Variants in GLIS3 observed in about 807,000 individuals in gnomAD.
GLIS3 encodes GLIS family zinc finger 3, also known as zinc finger protein GLIS3.
A neutral mutation model predicts 78.6 loss-of-function variants in GLIS3; 53 were observed. The ratio of observed to expected loss-of-function variants is 0.67; its 90% CI spans 0.54 to 0.85. The LOEUF (loss-of-function observed/expected upper bound fraction) is 0.85, where lower values mean the gene tolerates loss of function less well. Among genes scored for constraint, GLIS3 ranks in the 40% least tolerant of loss-of-function variants. GLIS3 has a pLI of 0.00. For synonymous variants in GLIS3, 684 were observed against 509.9 expected (o/e 1.34, Z -4.60); for missense variants, 1,703 against 1,231.1 (o/e 1.38, Z -5.74).
chr9:3,966,904 T>G (rs1410114924), intron 4 of GLIS3, among the ~76,000 whole-genome samples: 1 of 149,630 alleles, frequency 6.7e-6, no homozygotes, highest in Non-Finnish European at 1.5e-5. Flanking sequence ...TCTGCAACTC[T>G]CACCACAATC....
chr9:4,396,678 G>T, the GLIS3 span, among the ~76,000 whole-genome samples: 1 of 152,150 alleles, frequency 6.6e-6, no homozygotes, highest in Non-Finnish European at 1.5e-5. Context: ...TTGATGAGAG[G>T]TAAGTAGCCC....
chr9:4,407,868 G>C, the GLIS3 span, among the ~76,000 whole-genome samples: 3 of 151,924 alleles, frequency 2.0e-5, no homozygotes, highest in Admixed American at 1.3e-4. Flanking sequence ...CTACCCATTT[G>C]ACAAAGTGTT....
At chr9:4,279,246 C>T (rs1587281692) in intron 2 of GLIS3, among the ~76,000 whole-genome samples, 5 of 143,906 alleles carry the variant, frequency 3.5e-5, no homozygotes, top group Admixed American at 2.9e-4. Flanking sequence ...TGCAGTGAGC[C>T]GAGATCGCGC....
At chr9:4,160,581 A>C (rs1835395353) in intron 2 of GLIS3, among the ~76,000 whole-genome samples, 1 of 152,216 alleles carries the variant, frequency 6.6e-6, no homozygotes, top group African/African-American at 2.4e-5. Flanking sequence ...TCTGGAACCA[A>C]ATGAGTCCAC....
chr9:3,966,531 C>G (rs942766594), intron 4 of GLIS3, among the ~76,000 whole-genome samples: 12 of 151,852 alleles, frequency 7.9e-5, no homozygotes. Context: ...CGCGGTGACT[C>G]ACACCTGTAA....
chr9:3,948,051 G>C (rs537545464), intron 4 of GLIS3, among the ~76,000 whole-genome samples: 2 of 152,332 alleles, frequency 1.3e-5, no homozygotes, highest in East Asian at 3.9e-4. Context: ...ATCTCAGAGT[G>C]ATGCCTTCAC....
At chr9:4,450,561 T>C in the GLIS3 span, among the ~76,000 whole-genome samples, 3 of 151,760 alleles carry the variant, frequency 2.0e-5, no homozygotes, top group African/African-American at 4.8e-5. Context: ...TTCACCAAGG[T>C]TAAAATGAAG....
At chr9:4,285,742 C>T (rs190805580) in intron 2 of GLIS3, 5 of 418,646 alleles carry the variant, frequency 1.2e-5, no homozygotes, top group Non-Finnish European at 2.2e-5. Context: ...TAACCTAGCT[C>T]TTACCCTTCC....
chr9:4,234,811 G>C (rs979218669), intron 2 of GLIS3, among the ~76,000 whole-genome samples: 2 of 152,140 alleles, frequency 1.3e-5, no homozygotes, highest in East Asian at 3.9e-4. Flanking sequence ...AAGAGCTTAA[G>C]TGACCTGCTC....
intron 2 of GLIS3, among the ~76,000 whole-genome samples, chr9:4,330,164 A>C (rs1207123246): frequency 2.6e-5 from 4 of 152,240 alleles, no homozygotes; most frequent in Admixed American, 2.6e-4. Context: ...TTGAAAGCCA[A>C]ATCATTTCTG....
chr9:4,374,584 G>C, the GLIS3 span, among the ~76,000 whole-genome samples: 2 of 152,194 alleles, frequency 1.3e-5, no homozygotes, highest in Non-Finnish European at 2.9e-5. Flanking sequence ...CTTTCTTGGG[G>C]AACTATTCCC....
chr9:4,473,113 A>G, the GLIS3 span, among the ~76,000 whole-genome samples: 56 of 152,158 alleles, frequency 3.7e-4, no homozygotes, highest in Non-Finnish European at 7.5e-4. Context: ...CAACCTTGCC[A>G]GTTATTGCAG....
intron 4 of GLIS3, among the ~76,000 whole-genome samples, chr9:3,995,115 G>C (rs2129838010): frequency 6.6e-6 from 1 of 152,106 alleles, no homozygotes; most frequent in Admixed American, 6.5e-5. Flanking sequence ...AAATAAACTG[G>C]GAGGAGCAAA....
the GLIS3 span, among the ~76,000 whole-genome samples, chr9:4,371,230 G>A: frequency 7.2e-5 from 11 of 152,240 alleles, no homozygotes; most frequent in East Asian, 1.4e-3. Flanking sequence ...CTGATTCAGC[G>A]CTTGCTCAGG....
chr9:4,097,203 T>A (rs1830017914), intron 4 of GLIS3, among the ~76,000 whole-genome samples: 1 of 152,096 alleles, frequency 6.6e-6, no homozygotes, highest in South Asian at 2.1e-4. Context: ...TCCATCTGCC[T>A]GCCACCAGAA....
At chr9:3,932,575 T>A (rs570138019) in intron 5 of GLIS3, 105 bp from the exon 6 acceptor site, 1 of 822,702 alleles carries the variant, frequency 1.2e-6, no homozygotes, top group Admixed American at 1.8e-5. Context: ...CTGTTACCAA[T>A]TGACTGATGT....
intron 4 of GLIS3, chr9:4,308,710 A>C (rs1177425870): frequency 6.6e-6 from 1 of 152,226 alleles, no homozygotes; most frequent in Non-Finnish European, 1.5e-5. Context: ...GCTTCCTAGG[A>C]GACTTTAATG....
chr9:4,005,798 T>C (rs1563939995), intron 4 of GLIS3, among the ~76,000 whole-genome samples: 1 of 152,218 alleles, frequency 6.6e-6, no homozygotes, highest in South Asian at 2.1e-4. Context: ...CCATCAAAGA[T>C]ACTTAAATTA....
At chr9:4,161,324 A>G (rs577123316) in intron 2 of GLIS3, among the ~76,000 whole-genome samples, 6 of 152,246 alleles carry the variant, frequency 3.9e-5, no homozygotes, top group African/African-American at 1.4e-4. Context: ...AAATAATATT[A>G]GCCTCAAATT....
Sources: allele counts gnomAD v4.1 joint callset (sites outside exome capture counted in the v4.1 genomes callset), GRCh38; gene constraint gnomAD v4.1.1; transcripts MANE v1.5; gene names NCBI Gene and HGNC (gene_info 2026-07-23, HGNC 2026-07-21).